DCP1A: variants seen among roughly 807,000 people sequenced by gnomAD.
DCP1A encodes the protein mRNA-decapping enzyme 1A.
A neutral mutation model predicts 58.0 loss-of-function variants in DCP1A; 20 were observed. That is an observed-to-expected ratio of 0.34 (90% CI 0.24 to 0.50). The LOEUF is 0.50. Ranked by LOEUF, DCP1A falls within the 20% of genes least tolerant of loss-of-function variation. The probability of loss-of-function intolerance (pLI) is 0.98; values close to 1 mark genes in which losing one functional copy is unlikely to be tolerated. For missense variants in DCP1A, 613 were observed against 712.2 expected, an observed-to-expected ratio of 0.86 and a Z score of 1.59; for synonymous variants, 285 against 275.1, an observed-to-expected ratio of 1.04 and a Z score of -0.36.
intron 6 of DCP1A, among the ~76,000 whole-genome samples, chr3:53,293,190 T>C (rs1381477318): frequency 6.6e-6 from 1 of 152,160 alleles, no homozygotes; most frequent in Non-Finnish European, 1.5e-5. Context: ...CAGGTGATTC[T>C]ACCTTTACTT....
chr3:53,330,408 A>C (rs1345151288), intron 3 of DCP1A, among the ~76,000 whole-genome samples: 7 of 152,098 alleles, frequency 4.6e-5, no homozygotes, highest in Middle Eastern at 3.4e-3. Context: ...TAAAAGAAAA[A>C]AATTTAGCTG....
intron 6 of DCP1A, among the ~76,000 whole-genome samples, chr3:53,299,955 C>A (rs1362990944): frequency 6.6e-6 from 1 of 152,230 alleles, no homozygotes; most frequent in Non-Finnish European, 1.5e-5. Context: ...GCAACCTCCC[C>A]CTCCTGGGTT....
rs1559675560 is a variant in DCP1A at position 53,286,035 on chromosome 3, A to G, written c.*1545T>C. 6.6e-6 allele frequency: 1 copy of G among 152,234 alleles called. No individual in the cohort carries two copies. Among genetic ancestry groups the G allele is most frequent in the Non-Finnish European group, 1.5e-5 (1 of 68,042 alleles). The allele number at this position is 152,234 out of a possible 1,614,324, so 9.4% of individuals were successfully genotyped here. A position where few individuals can be genotyped will look rare whatever the true frequency, so the allele number is the denominator to read the frequency against. On this transcript the variant is annotated 3_prime_UTR_variant, in exon 10 of 10. Coordinates refer to ENST00000610213, the MANE Select transcript of DCP1A (RefSeq NM_018403.7). Reference sequence around the variant, plus strand: ...GAAGCAGAAACCCTGTCCAGGAAGCATGTTTAGATCAACAAAAGCCAATCA... The same window carrying G: ...GAAGCAGAAACCCTGTCCAGGAAGCGTGTTTAGATCAACAAAAGCCAATCA...
intron 6 of DCP1A, among the ~76,000 whole-genome samples, chr3:53,300,464 A>G (rs1402636606): frequency 6.6e-6 from 1 of 151,874 alleles, no homozygotes; most frequent in Non-Finnish European, 1.5e-5. Flanking sequence ...CAGCCTCTCA[A>G]GTAGCTGGGA....
At chr3:53,299,618 TACA>T (rs1707247790) in intron 6 of DCP1A, among the ~76,000 whole-genome samples, 4 of 152,142 alleles carry the variant, frequency 2.6e-5, no homozygotes, top group Admixed American at 1.3e-4. Context: ...AATAACAAAA[TACA>T]CTACAGAAAC....
At chr3:53,313,604 A>C (rs1553688897) in intron 4 of DCP1A, among the ~76,000 whole-genome samples, 1 of 152,074 alleles carries the variant, frequency 6.6e-6, no homozygotes, top group Non-Finnish European at 1.5e-5. Flanking sequence ...AATAAATTTT[A>C]ATAAAGCAAC....
intron 3 of DCP1A, among the ~76,000 whole-genome samples, chr3:53,335,920 G>A (rs1177815462): frequency 2.0e-5 from 3 of 151,812 alleles, no homozygotes; most frequent in African/African-American, 7.3e-5. Flanking sequence ...AACCTCGCGG[G>A]CTCAGGTGAT....
intron 5 of DCP1A, among the ~76,000 whole-genome samples, chr3:53,306,034 A>G (rs1351470765): frequency 7.2e-5 from 11 of 152,228 alleles, no homozygotes; most frequent in African/African-American, 2.7e-4. Context: ...AACAGTTCAG[A>G]AAATGCAAGA....
At chr3:53,306,363 T>C (rs1707471760) in intron 5 of DCP1A, among the ~76,000 whole-genome samples, 1 of 152,222 alleles carries the variant, frequency 6.6e-6, no homozygotes, top group South Asian at 2.1e-4. Context: ...TGAATTATAT[T>C]ACAGAAAATA....
chr3:53,332,442 A>G (rs1230049484), intron 3 of DCP1A, among the ~76,000 whole-genome samples: 2 of 152,194 alleles, frequency 1.3e-5, no homozygotes, highest in Non-Finnish European at 2.9e-5. Context: ...TTAAAAATGC[A>G]TGTTCTCTTC....
chr3:53,326,550 A>G (rs1393277309), intron 3 of DCP1A, among the ~76,000 whole-genome samples: 1 of 152,222 alleles, frequency 6.6e-6, no homozygotes, highest in African/African-American at 2.4e-5. Context: ...ACAGAGCATT[A>G]CTGCCTGAGC....
intron 3 of DCP1A, among the ~76,000 whole-genome samples, chr3:53,331,944 A>G (rs1553691332): frequency 6.6e-6 from 1 of 152,194 alleles, no homozygotes; most frequent in African/African-American, 2.4e-5. Flanking sequence ...TTGGTGCAAA[A>G]TATTTGTGTT....
intron 7 of DCP1A, among the ~76,000 whole-genome samples, chr3:53,291,459 C>T (rs1279520024): frequency 1.3e-5 from 2 of 150,174 alleles, no homozygotes; most frequent in East Asian, 3.9e-4. Flanking sequence ...CATTCACCAT[C>T]CCCACCTCCC....
At chr3:53,319,333 C>T in intron 4 of DCP1A, 74 bp downstream of exon 4, 1 of 990,632 alleles carries the variant, frequency 1.0e-6, no homozygotes, top group Non-Finnish European at 1.5e-6. Flanking sequence ...ACTTTAGTAA[C>T]AAAGAGAAGT....
At chr3:53,294,639 T>C (rs1369845040) in intron 6 of DCP1A, among the ~76,000 whole-genome samples, 17 of 152,340 alleles carry the variant, frequency 1.1e-4, no homozygotes, top group Admixed American at 1.1e-3. Flanking sequence ...ACAGCTGTGA[T>C]GTCCTATCAA....
rs140435278 is a variant in DCP1A, at chr3:53,312,218, C to T, written c.510+23G>A. 182 of 1,562,612 alleles carry T rather than the reference C, an allele frequency of 1.2e-4. No homozygotes were observed. The African/African-American group carries it at 2.3e-3, about 19-fold the overall frequency. On this transcript the variant is annotated intron_variant, in intron 5 of 9. Transcript: ENST00000610213. ...CCGTTTTGGTCTTCCCTGGTCAGCA[C>T]CCAAGTACCCAGAGAGCCTCACCCT...
At chr3:53,290,906 A>C in intron 7 of DCP1A, 50 bp from the exon 8 acceptor site, 1 of 1,475,882 alleles carries the variant, frequency 6.8e-7, no homozygotes. Context: ...GTTTCAATTA[A>C]GAAGACTTCC....
At chr3:53,341,134 A>C (rs1394756241) in intron 3 of DCP1A, among the ~76,000 whole-genome samples, 1 of 152,120 alleles carries the variant, frequency 6.6e-6, no homozygotes, top group Non-Finnish European at 1.5e-5. Flanking sequence ...TAAAAAAAAA[A>C]ACCCATCACC....
intron 3 of DCP1A, among the ~76,000 whole-genome samples, chr3:53,334,742 A>C (rs570418842): frequency 6.6e-6 from 1 of 152,312 alleles, no homozygotes; most frequent in South Asian, 2.1e-4. Context: ...GAGAAAAACC[A>C]GTTGTCTGCT....
Sources: gnomAD v4.1 joint callset for allele counts (sites outside exome capture counted in the v4.1 genomes callset) on GRCh38, gnomAD v4.1.1 for gene constraint, MANE v1.5 for transcripts, NCBI Gene and HGNC (gene_info 2026-07-23, HGNC 2026-07-21) for gene names.